Variants in SHISA9 observed in about 807,000 individuals in gnomAD.
SHISA9 encodes shisa family member 9, also known as protein shisa-9.
Under a neutral mutation model 38.0 loss-of-function variants are expected in SHISA9, and 13 were observed. The observed-to-expected ratio is 0.34, with a 90% confidence interval of 0.22 to 0.54. The LOEUF (loss-of-function observed/expected upper bound fraction) is 0.54, where lower values mean the gene tolerates loss of function less well. SHISA9 is among the 20% of genes least tolerant of loss of function. The pLI, the probability that SHISA9 is intolerant of heterozygous loss-of-function variation, is 0.91. For synonymous variants in SHISA9, 275 were observed against 242.0 expected (o/e 1.14, Z -1.27); for missense variants, 538 against 575.8 (o/e 0.93, Z 0.67).
chr16:12,934,097 A>G (rs1278237128), intron 2 of SHISA9, among the ~76,000 whole-genome samples: 1 of 152,222 alleles, frequency 6.6e-6, no homozygotes, highest in East Asian at 1.9e-4. Context: ...GAGACAGGAA[A>G]GAAATTCATC....
chr16:13,057,938 A>G (rs1454440619), intron 2 of SHISA9, among the ~76,000 whole-genome samples: 1 of 152,168 alleles, frequency 6.6e-6, no homozygotes, highest in Admixed American at 6.5e-5. Flanking sequence ...TGCTGAGGAT[A>G]ATGGCTTCAA....
chr16:13,090,537 A>C (rs2073763471), intron 2 of SHISA9, among the ~76,000 whole-genome samples: 1 of 152,038 alleles, frequency 6.6e-6, no homozygotes, highest in Non-Finnish European at 1.5e-5. Flanking sequence ...TGTTTAATTG[A>C]TCCCTTTACC....
At chr16:13,375,564 G>A in the SHISA9 span, among the ~76,000 whole-genome samples, 1 of 152,046 alleles carries the variant, frequency 6.6e-6, no homozygotes, top group Admixed American at 6.6e-5. Context: ...ATGCTGTTTT[G>A]GTTACTGTAG....
At chr16:13,425,029 GAATGATATCATGGCCTT>G in the SHISA9 span, among the ~76,000 whole-genome samples, 1 of 152,216 alleles carries the variant, frequency 6.6e-6, no homozygotes, top group Non-Finnish European at 1.5e-5. Flanking sequence ...GCCATAAAAA[GAATGATATCATGGCCTT>G]TGCAGCAACA....
intron 2 of SHISA9, among the ~76,000 whole-genome samples, chr16:13,170,582 G>C (rs1175654324): frequency 6.6e-6 from 1 of 152,176 alleles, no homozygotes; most frequent in Non-Finnish European, 1.5e-5. Context: ...AAAGTACCAT[G>C]GCACACGTTT....
the SHISA9 span, among the ~76,000 whole-genome samples, chr16:13,265,214 T>G: frequency 1.9e-5 from 2 of 104,062 alleles, no homozygotes; most frequent in African/African-American, 7.6e-5. Flanking sequence ...CCTCCACTTC[T>G]GTTCCCTTCT....
the SHISA9 span, among the ~76,000 whole-genome samples, chr16:13,433,012 C>G: frequency 6.6e-6 from 1 of 151,776 alleles, no homozygotes; most frequent in African/African-American, 2.4e-5. Context: ...AGCAAACCCC[C>G]ATGACACAAG....
At position 13,213,301 on chromosome 16, in the gene SHISA9, G is replaced by A. The variant is rs757262854; in HGVS notation, c.895+1G>A. On this transcript the variant is annotated splice_donor_variant, in intron 4 of 4. Coordinates refer to ENST00000558583, the MANE Select transcript of SHISA9 (RefSeq NM_001145204.3). LOFTEE classifies it high-confidence loss of function. ...GTATCGACACTTAAGTCACCAAAAG[G>A]TACTGTACAGCTTTTTCTAGCTCTT... The A allele has an allele frequency of 1.3e-6, 2 of 1,551,580 alleles. No homozygotes were observed. The highest frequency in any genetic ancestry group is 3.9e-5 in the Admixed American group (2 of 50,986).
chr16:13,308,148 A>C, the SHISA9 span, among the ~76,000 whole-genome samples: 8 of 152,132 alleles, frequency 5.3e-5, no homozygotes, highest in Admixed American at 4.6e-4. Context: ...GAGTAATAGG[A>C]CAGTAAGAAA....
At chr16:13,380,591 C>T in the SHISA9 span, among the ~76,000 whole-genome samples, 50 of 152,250 alleles carry the variant, frequency 3.3e-4, no homozygotes, top group African/African-American at 1.2e-3. Flanking sequence ...TTTCAGAAAG[C>T]TGTTGCACAA....
chr16:13,382,037 A>C, the SHISA9 span, among the ~76,000 whole-genome samples: 1 of 152,212 alleles, frequency 6.6e-6, no homozygotes, highest in Non-Finnish European at 1.5e-5. Context: ...TAGGTTGAAA[A>C]AATTTTAAAG....
At chr16:13,534,343 G>A in the SHISA9 span, among the ~76,000 whole-genome samples, 8 of 151,270 alleles carry the variant, frequency 5.3e-5, no homozygotes, top group South Asian at 1.7e-3. Context: ...TCATGTCTCA[G>A]CCTCCCAAGT....
intron 4 of SHISA9, among the ~76,000 whole-genome samples, chr16:13,234,645 T>C (rs1011866763): frequency 6.6e-6 from 1 of 152,220 alleles, no homozygotes; most frequent in Non-Finnish European, 1.5e-5. Context: ...GATAGGAAGA[T>C]CACTTAACAT....
intron 2 of SHISA9, among the ~76,000 whole-genome samples, chr16:13,037,095 CACACACACACACAG>C (rs1415738411): frequency 1.1e-4 from 4 of 35,918 alleles, no homozygotes; most frequent in African/African-American, 1.4e-4. Context: ...ACACCACACA[CACACACACACACAG>C]ACACACACAC....
intron 2 of SHISA9, among the ~76,000 whole-genome samples, chr16:12,917,989 T>C (rs756371377): frequency 2.0e-5 from 3 of 152,170 alleles, no homozygotes; most frequent in Non-Finnish European, 4.4e-5. Context: ...TTTTTCATGG[T>C]TTGGAAATTG....
the SHISA9 span, among the ~76,000 whole-genome samples, chr16:13,263,956 C>A: frequency 6.6e-6 from 1 of 151,864 alleles, no homozygotes; most frequent in African/African-American, 2.4e-5. Context: ...ATACCTGTTT[C>A]TTTTTCAAAA....
the SHISA9 span, among the ~76,000 whole-genome samples, chr16:13,415,815 TAA>T: frequency 9.1e-4 from 136 of 148,936 alleles, 2 homozygotes; most frequent in Middle Eastern, 0.011. Context: ...CTTCTTTCGT[TAA>T]AAAAAAAAAA....
chr16:13,277,508 C>T, the SHISA9 span, among the ~76,000 whole-genome samples: 4 of 151,666 alleles, frequency 2.6e-5, no homozygotes, highest in African/African-American at 7.3e-5. Context: ...TTGCATTTGG[C>T]AGTATGGTCA....
At chr16:13,373,938 A>T in the SHISA9 span, among the ~76,000 whole-genome samples, 3 of 152,252 alleles carry the variant, frequency 2.0e-5, no homozygotes, top group Middle Eastern at 3.4e-3. Context: ...GCTGAGATGG[A>T]GTTTGGGCAT....
Sources: gnomAD v4.1 joint callset for allele counts (sites outside exome capture counted in the v4.1 genomes callset) on GRCh38, gnomAD v4.1.1 for gene constraint, MANE v1.5 for transcripts, NCBI Gene and HGNC (gene_info 2026-07-23, HGNC 2026-07-21) for gene names.